AUTS2: variants seen among roughly 807,000 people sequenced by gnomAD.
AUTS2 encodes the protein autism susceptibility gene 2 protein.
In AUTS2, 17 loss-of-function variants were observed where a neutral mutation model predicts 112.4. The observed-to-expected ratio is 0.15, with a 90% CI of 0.10 to 0.23. AUTS2 has a LOEUF of 0.23. AUTS2 is among the 10% of genes least tolerant of loss of function. AUTS2 has a pLI of 1.00. For missense variants in AUTS2, 1,510 were observed against 1,701.6 expected, an observed-to-expected ratio of 0.89 and a Z score of 1.98; for synonymous variants, 751 against 702.7, an observed-to-expected ratio of 1.07 and a Z score of -1.09.
At chr7:70,356,948 T>C (rs528102231) in intron 4 of AUTS2, among the ~76,000 whole-genome samples, 17 of 152,288 alleles carry the variant, frequency 1.1e-4, no homozygotes, top group Admixed American at 4.6e-4. Context: ...AAATGACCCC[T>C]TGAGGAATGT....
chr7:70,103,235 A>C (rs1051674472), intron 2 of AUTS2, among the ~76,000 whole-genome samples: 2 of 152,180 alleles, frequency 1.3e-5, no homozygotes, highest in African/African-American at 4.8e-5. Flanking sequence ...TTTGGAAATA[A>C]TGCACACTCC....
intron 5 of AUTS2, among the ~76,000 whole-genome samples, chr7:70,497,218 C>T (rs1352803898): frequency 7.0e-6 from 1 of 142,808 alleles, no homozygotes; most frequent in Non-Finnish European, 1.5e-5. Flanking sequence ...GTCACATCAG[C>T]GTCGATCACA....
chr7:69,686,140 A>G (rs1230378711), intron 1 of AUTS2, among the ~76,000 whole-genome samples: 1 of 152,302 alleles, frequency 6.6e-6, no homozygotes, highest in East Asian at 1.9e-4. Flanking sequence ...ATAAGAAATA[A>G]TTTTCTCATA....
At chr7:70,148,555 C>A (rs7803814) in intron 4 of AUTS2, among the ~76,000 whole-genome samples, 32,412 of 151,804 alleles carry the variant, frequency 0.21, 3,441 homozygotes, top group Middle Eastern at 0.33. Flanking sequence ...GTTATTTAAG[C>A]AATGACATCA....
intron 2 of AUTS2, among the ~76,000 whole-genome samples, chr7:69,974,016 A>G (rs1252049530): frequency 6.6e-6 from 1 of 151,994 alleles, no homozygotes; most frequent in Admixed American, 6.6e-5. Flanking sequence ...TTCTTTAAAC[A>G]TTGTGTGGAA....
At chr7:70,713,047 C>A (rs1161814981) in intron 6 of AUTS2, among the ~76,000 whole-genome samples, 2 of 152,306 alleles carry the variant, frequency 1.3e-5, no homozygotes, top group South Asian at 4.1e-4. Context: ...CTGACAGATG[C>A]TAGGCCTGTA....
intron 4 of AUTS2, among the ~76,000 whole-genome samples, chr7:70,149,402 C>T (rs548382768): frequency 6.6e-6 from 1 of 152,044 alleles, no homozygotes; most frequent in Non-Finnish European, 1.5e-5. Context: ...TTCTTAGAAA[C>T]TGTTGCTTCT....
intron 4 of AUTS2, among the ~76,000 whole-genome samples, chr7:70,147,161 G>C (rs1317141385): frequency 2.0e-5 from 3 of 151,572 alleles, no homozygotes; most frequent in African/African-American, 7.3e-5. Flanking sequence ...GATCAGTGTT[G>C]GAGTGTGCTA....
intron 5 of AUTS2, among the ~76,000 whole-genome samples, chr7:70,517,740 TAC>T (rs762319113): frequency 1.3e-5 from 2 of 151,686 alleles, no homozygotes; most frequent in Non-Finnish European, 2.9e-5. Flanking sequence ...TACATATGAA[TAC>T]ACACACACAC....
chr7:70,518,228 G>C (rs1050802688), intron 5 of AUTS2, among the ~76,000 whole-genome samples: 3 of 152,086 alleles, frequency 2.0e-5, no homozygotes, highest in African/African-American at 7.2e-5. Flanking sequence ...TACTTTAATA[G>C]GATTGCAGGA....
chr7:70,738,860 A>G (rs1178580405), intron 6 of AUTS2, among the ~76,000 whole-genome samples: 2 of 152,148 alleles, frequency 1.3e-5, no homozygotes. Context: ...CCTGGTTTCA[A>G]ATGTCTTTTC....
chr7:69,816,966 G>T (rs1790789433), intron 1 of AUTS2, among the ~76,000 whole-genome samples: 1 of 152,168 alleles, frequency 6.6e-6, no homozygotes. Flanking sequence ...TGTGACCTCT[G>T]TTACCTCTTG....
intron 1 of AUTS2, among the ~76,000 whole-genome samples, chr7:69,886,662 A>C (rs1268319571): frequency 6.6e-6 from 1 of 151,994 alleles, no homozygotes; most frequent in East Asian, 1.9e-4. Context: ...GTAGTTCTTT[A>C]CTTCTAGCCA....
chr7:70,071,864 A>G (rs959960133), intron 2 of AUTS2, among the ~76,000 whole-genome samples: 7 of 152,150 alleles, frequency 4.6e-5, no homozygotes, highest in African/African-American at 1.7e-4. Flanking sequence ...GGGCTGTTTT[A>G]TTACTTAGTC....
intron 1 of AUTS2, among the ~76,000 whole-genome samples, chr7:69,664,294 A>G (rs913489291): frequency 3.3e-5 from 5 of 152,248 alleles, no homozygotes; most frequent in African/African-American, 1.2e-4. Context: ...AAGAAAAACC[A>G]GATGGACTAA....
At chr7:69,891,546 A>G (rs1013459242) in intron 1 of AUTS2, among the ~76,000 whole-genome samples, 1 of 151,984 alleles carries the variant, frequency 6.6e-6, no homozygotes, top group Non-Finnish European at 1.5e-5. Context: ...TTTTAAAGAA[A>G]CTACTAAACT....
At chr7:69,625,525 G>A (rs1306441189) in intron 1 of AUTS2, among the ~76,000 whole-genome samples, 1 of 152,006 alleles carries the variant, frequency 6.6e-6, no homozygotes, top group Non-Finnish European at 1.5e-5. Flanking sequence ...TGGAGTGTTG[G>A]TTAAAAGAAC....
chr7:70,669,674 ACAAT>A (rs1171657502), intron 5 of AUTS2, among the ~76,000 whole-genome samples: 2 of 152,260 alleles, frequency 1.3e-5, no homozygotes, highest in Non-Finnish European at 2.9e-5. Flanking sequence ...AATAAAAGTC[ACAAT>A]CAGAGTTAGT....
At chr7:69,813,287 T>C (rs1178773708) in intron 1 of AUTS2, among the ~76,000 whole-genome samples, 1 of 152,174 alleles carries the variant, frequency 6.6e-6, no homozygotes, top group Non-Finnish European at 1.5e-5. Context: ...GAGTGTCACC[T>C]TGTTGGGGAG....
Sources: allele counts gnomAD v4.1 joint callset (sites outside exome capture counted in the v4.1 genomes callset), GRCh38; gene constraint gnomAD v4.1.1; transcripts MANE v1.5; gene names NCBI Gene and HGNC (gene_info 2026-07-23, HGNC 2026-07-21).